The following CLCC1 variants were observed in gnomAD, a reference collection of about 807,000 sequenced individuals.
CLCC1 encodes chloride channel CLIC like 1.
A neutral mutation model predicts 63.3 loss-of-function variants in CLCC1; 39 were observed. The ratio of observed to expected loss-of-function variants is 0.62; its 90% CI spans 0.48 to 0.81. The LOEUF (loss-of-function observed/expected upper bound fraction) is 0.81, where lower values mean the gene tolerates loss of function less well. CLCC1 is among the 30% of genes least tolerant of loss of function. The probability of loss-of-function intolerance (pLI) is 0.00; values close to 1 mark genes in which losing one functional copy is unlikely to be tolerated. For synonymous variants in CLCC1, 217 were observed against 239.8 expected, an observed-to-expected ratio of 0.90 and a Z score of 0.88; for missense variants, 549 against 669.4, an observed-to-expected ratio of 0.82 and a Z score of 1.98.
At chr1:108,956,877 G>A (rs1488520497) in intron 2 of CLCC1, among the ~76,000 whole-genome samples, 1 of 146,104 alleles carries the variant, frequency 6.8e-6, no homozygotes, top group Non-Finnish European at 1.5e-5. Context: ...AATGAGCTGG[G>A]AGGCAGGGAG....
At position 108,931,746 on chromosome 1, in the gene CLCC1, A is replaced by T. The variant is rs973656678; in HGVS notation, c.*801T>A. On this transcript the variant is annotated 3_prime_UTR_variant, in exon 13 of 13. Coordinates refer to ENST00000369969, the MANE Select transcript of CLCC1 (RefSeq NM_001377458.1). Reference sequence around the variant, plus strand: ...CTCAGGTAAGTTTCATGGGGTTCTTATAAGAAAATTCAGTTAAGACAATAT... The same window carrying T: ...CTCAGGTAAGTTTCATGGGGTTCTTTTAAGAAAATTCAGTTAAGACAATAT... 2 of 308,698 alleles carry T rather than the reference A, an allele frequency of 6.5e-6. No homozygotes were observed. Among genetic ancestry groups the T allele is most frequent in the Non-Finnish European group, 1.1e-5 (2 of 177,598 alleles). The allele number at this position is 308,698 out of a possible 1,614,324, so 19.1% of individuals were successfully genotyped here.
rs970713456 is a variant in CLCC1 at position 108,932,068 on chromosome 1, T to A, written c.*479A>T. 2 of 151,796 alleles carry A rather than the reference T, an allele frequency of 1.3e-5. No individual in the cohort carries two copies. Among genetic ancestry groups the A allele is most frequent in the Non-Finnish European group, 2.9e-5 (2 of 68,070 alleles). The allele number at this position is 151,796 out of a possible 1,614,324, so 9.4% of individuals were successfully genotyped here. ...AGGGCGGGTCACTTGAGGTCAGGAG[T>A]TCGAGACCAGCCTGACCAACATGGT... On this transcript the variant is annotated 3_prime_UTR_variant, in exon 13 of 13. Transcript: ENST00000369969.
rs1394849667 is a variant in CLCC1, at chr1:108,934,962, AT to A, written c.1384-21del. On this transcript the variant is annotated intron_variant, in intron 11 of 12. Coordinates refer to ENST00000369969, the MANE Select transcript of CLCC1 (RefSeq NM_001377458.1). ...TTTATGCTATAAAGTACAAAATTAC[AT>A]TTTAACTGTTTAATGTAATGTGAAG... 12 of 1,574,480 alleles carry A rather than the reference AT, an allele frequency of 7.6e-6. No homozygotes were observed. Among genetic ancestry groups the A allele is most frequent in the Non-Finnish European group, 1.0e-5 (12 of 1,158,686 alleles).
chr1:108,949,910 A>C lies in CLCC1; in HGVS notation c.141T>G (p.Gly47=). The C allele has an allele frequency of 1.3e-6, 2 of 1,594,254 alleles. No homozygotes were observed. Among genetic ancestry groups the C allele is most frequent in the Non-Finnish European group, 1.7e-6 (2 of 1,171,046 alleles). The change falls in exon 4 of 13, where the codon GGT becomes GGG. Residue 47 remains glycine, a synonymous_variant. Transcript: ENST00000369969. ...GACTGACATCCTTTTCCCCTGAAAT[A>C]CCATATTTTGCCTAAAACAGAGTAT... ...GTMRKSQAKY[G]ISGEKDVSPD...
rs1009614473 is a variant in CLCC1 at position 108,931,372 on chromosome 1, A to G, written c.*1175T>C. 1.7e-5 allele frequency: 27 copies of G among 1,551,162 alleles called. No homozygotes were observed. In the African/African-American group the frequency reaches 2.7e-4, roughly 16 times the overall value. ...AGTAACTAACTAACTGTAGCAAAAG[A>G]CAAGTATGGGACAGACTGGGACCTG... On this transcript the variant is annotated 3_prime_UTR_variant, in exon 13 of 13. Coordinates refer to ENST00000369969, the MANE Select transcript of CLCC1 (RefSeq NM_001377458.1).
Position 108,930,647 on chromosome 1 carries a change from G to C in CLCC1, c.*1900C>G, listed in dbSNP as rs1651792166. 6.6e-6 allele frequency: 1 copy of C among 152,362 alleles called. No homozygotes were observed. The highest frequency in any genetic ancestry group is 2.4e-5 in the African/African-American group (1 of 41,376). 9.4% of individuals were successfully genotyped at this position (152,362 alleles called of 1,614,324 possible). A position where few individuals can be genotyped will look rare whatever the true frequency, so the allele number is the denominator to read the frequency against. On this transcript the variant is annotated 3_prime_UTR_variant, in exon 13 of 13. Transcript: ENST00000369969. ...CTCACACCTGTAATCCCAGCACTTT[G>C]GGAGGCCGAAGCGGGCGGATCACTT...
intron 7 of CLCC1, among the ~76,000 whole-genome samples, chr1:108,942,747 G>A (rs1172128101): frequency 1.3e-5 from 2 of 151,994 alleles, no homozygotes; most frequent in East Asian, 3.8e-4. Context: ...TAATTTCCTT[G>A]TATCTGCCTT....
At chr1:108,939,463 C>A (rs566111604) in intron 10 of CLCC1, among the ~76,000 whole-genome samples, 173 bp downstream of exon 10, 1 of 151,386 alleles carries the variant, frequency 6.6e-6, no homozygotes, top group Non-Finnish European at 1.5e-5. Flanking sequence ...CCCGCCACCA[C>A]GCCCGGCTAA....
Position 108,959,170 on chromosome 1 carries a change from G to A in CLCC1, c.-12+3139C>T, listed in dbSNP as rs183165575. Among the ~76,000 whole-genome samples, 169 of 152,110 alleles carry A rather than the reference G, an allele frequency of 1.1e-3. 1 individual carries two copies. In the East Asian group the frequency reaches 0.029, roughly 26 times the overall value. On this transcript the variant is annotated intron_variant, in intron 2 of 12. Transcript: ENST00000369969. ...GCTTGGGCAACAACAGTGAAACACC[G>A]TCTCAAAATAAATAAATAAATAAAT...
Position 108,950,221 on chromosome 1 carries a change from C to A in CLCC1, c.129+88G>T, listed in dbSNP as rs1571059614. On this transcript the variant is annotated intron_variant, in intron 3 of 12. Transcript: ENST00000369969. Reference sequence around the variant, plus strand: ...TTGCTAATCATGGATCCATGACCCTCATAGCTCTGTGCAAAACAACAGAGC... The same window carrying A: ...TTGCTAATCATGGATCCATGACCCTAATAGCTCTGTGCAAAACAACAGAGC... 4 of 1,310,686 alleles carry A rather than the reference C, an allele frequency of 3.1e-6. No homozygotes were observed. In the East Asian group the frequency reaches 9.9e-5, roughly 32 times the overall value. The allele number at this position is 1,310,686 out of a possible 1,614,324, so 81.2% of individuals were successfully genotyped here.
rs1421125940 is a variant in CLCC1 at position 108,947,766 on chromosome 1, A to G, written c.232-48T>C. 5.4e-6 allele frequency: 7 copies of G among 1,289,786 alleles called. No homozygotes were observed. The East Asian group carries it at 7.0e-5, about 13-fold the overall frequency. 79.9% of individuals were successfully genotyped at this position (1,289,786 alleles called of 1,614,324 possible). ...ACATTAGTTAGAGTCAAAGTATAAT[A>G]TAAGGGTTAAGTTTCTAGCCTAGTG... is the stretch of plus-strand genomic sequence containing the variant. On this transcript the variant is annotated intron_variant, in intron 4 of 12. Transcript: ENST00000369969.
intron 7 of CLCC1, 58 bp downstream of exon 7, chr1:108,943,417 T>C: frequency 6.4e-7 from 1 of 1,553,996 alleles, no homozygotes; most frequent in South Asian, 1.1e-5. Flanking sequence ...TGGATTAGAG[T>C]CTTCTTTCAT....
chr1:108,962,162 G>C (rs1656739874), intron 2 of CLCC1, 147 bp downstream of exon 2: 1 of 152,194 alleles, frequency 6.6e-6, no homozygotes, highest in Non-Finnish European at 1.5e-5. Context: ...AATAGGGAGA[G>C]TAGTTTATAG....
chr1:108,948,340 G>A (rs1000260267), intron 4 of CLCC1, among the ~76,000 whole-genome samples: 4 of 152,190 alleles, frequency 2.6e-5, no homozygotes, highest in African/African-American at 9.7e-5. Context: ...AATTCTACAC[G>A]GGAGCAGACT....
At chr1:108,952,009 C>G (rs1655241081) in intron 2 of CLCC1, among the ~76,000 whole-genome samples, 1 of 152,116 alleles carries the variant, frequency 6.6e-6, no homozygotes, top group African/African-American at 2.4e-5. Flanking sequence ...AACTCCTAGG[C>G]TCAAGCTATC....
chr1:108,935,406 GAA>G (rs1652755744), intron 11 of CLCC1, among the ~76,000 whole-genome samples: 2 of 152,200 alleles, frequency 1.3e-5, no homozygotes, highest in South Asian at 4.1e-4. Flanking sequence ...AAAAAGCAGA[GAA>G]GAGATGAGTG....
chr1:108,946,815 T>C (rs1336209112), intron 5 of CLCC1, among the ~76,000 whole-genome samples: 3 of 152,234 alleles, frequency 2.0e-5, no homozygotes, highest in African/African-American at 7.2e-5. Flanking sequence ...ACTAAATTAA[T>C]GCATTAAGTC....
intron 2 of CLCC1, among the ~76,000 whole-genome samples, chr1:108,961,637 A>T (rs2101737594): frequency 6.6e-6 from 1 of 152,328 alleles, no homozygotes; most frequent in East Asian, 1.9e-4. Context: ...AGGCGGGCGC[A>T]TCACCTGAGG....
At position 108,934,828 on chromosome 1, in the gene CLCC1, G is replaced by T. The variant is rs1172991661; in HGVS notation, c.1498C>A (p.Gln500Lys). 6.2e-7 allele frequency: 1 copy of T among 1,614,160 alleles called. No individual in the cohort carries two copies. Among genetic ancestry groups the T allele is most frequent in the South Asian group, 1.1e-5 (1 of 91,088 alleles). ...CCTTCTGTATTCCCTGATGTGTCTT[G>T]GCCAGAGACAGGCTTGGCCGACTGG... is the stretch of plus-strand genomic sequence containing the variant. ...SSQSAKPVSG[Q>K]DTSGNTEGSP... The change falls in exon 12 of 13, where the codon CAA (glutamine) becomes AAA (lysine). Residue 500 changes from glutamine to lysine, a missense_variant. Transcript: ENST00000369969.
Sources: allele counts gnomAD v4.1 joint callset (sites outside exome capture counted in the v4.1 genomes callset), GRCh38; gene constraint gnomAD v4.1.1; transcripts MANE v1.5; gene names NCBI Gene and HGNC (gene_info 2026-07-23, HGNC 2026-07-21).